Variants in AXDND1 observed in about 807,000 individuals in gnomAD.
AXDND1 encodes the protein axonemal dynein light chain domain-containing protein 1.
AXDND1 carries 110 observed loss-of-function variants against 137.5 expected under a neutral mutation model. The ratio of observed to expected loss-of-function variants is 0.80; its 90% CI spans 0.69 to 0.94. The LOEUF is 0.94. Among genes scored for constraint, AXDND1 ranks in the 40% least tolerant of loss-of-function variants. The probability of loss-of-function intolerance (pLI) is 0.00; values close to 1 mark genes in which losing one functional copy is unlikely to be tolerated. For missense variants in AXDND1, 1,191 were observed against 1,169.8 expected, an observed-to-expected ratio of 1.02 and a Z score of -0.26; for synonymous variants, 414 against 399.7, an observed-to-expected ratio of 1.04 and a Z score of -0.43.
chr1:179,433,790 G>A (rs2125322354), intron 15 of AXDND1, among the ~76,000 whole-genome samples: 1 of 152,272 alleles, frequency 6.6e-6, no homozygotes, highest in South Asian at 2.1e-4. Flanking sequence ...CAATTGTGTG[G>A]ATGATTTTAG....
intron 16 of AXDND1, among the ~76,000 whole-genome samples, chr1:179,462,596 G>T (rs926464055): frequency 3.8e-4 from 58 of 152,098 alleles, no homozygotes; most frequent in Non-Finnish European, 4.6e-4. Context: ...TTTTTCTATT[G>T]ATTGGAATAG....
chr1:179,463,118 C>G (rs984399865), intron 16 of AXDND1, among the ~76,000 whole-genome samples: 2 of 151,952 alleles, frequency 1.3e-5, no homozygotes, highest in Admixed American at 1.3e-4. Flanking sequence ...TCTCTATCTC[C>G]TCAGTTCTGC....
intron 15 of AXDND1, among the ~76,000 whole-genome samples, chr1:179,434,515 G>A (rs897830397): frequency 3.9e-5 from 6 of 152,110 alleles, no homozygotes; most frequent in Admixed American, 2.6e-4. Flanking sequence ...TGATCAAGTC[G>A]GCTTTATCCC....
intron 21 of AXDND1, among the ~76,000 whole-genome samples, chr1:179,524,185 CT>C (rs1433783573): frequency 1.3e-5 from 2 of 152,048 alleles, no homozygotes; most frequent in Admixed American, 1.3e-4. Context: ...ATAATGACTG[CT>C]TTTTCTCTGG....
chr1:179,517,711 G>A (rs1467607898), intron 21 of AXDND1, among the ~76,000 whole-genome samples: 5 of 152,196 alleles, frequency 3.3e-5, no homozygotes, highest in African/African-American at 1.2e-4. Context: ...CTGCAAACCA[G>A]ACCTTCAGTT....
intron 21 of AXDND1, among the ~76,000 whole-genome samples, chr1:179,510,183 T>G: frequency 6.6e-6 from 1 of 152,330 alleles, no homozygotes; most frequent in Non-Finnish European, 1.5e-5. Flanking sequence ...CACTTCTCAT[T>G]TGTACACACT....
At chr1:179,544,051 C>A (rs930854401) in intron 25 of AXDND1, 2 of 152,620 alleles carry the variant, frequency 1.3e-5, no homozygotes, top group Admixed American at 6.5e-5. Context: ...ATGGCTCTAT[C>A]CACTGAACAC....
At chr1:179,372,000 T>A (rs537941017) in intron 4 of AXDND1, among the ~76,000 whole-genome samples, 1 of 152,308 alleles carries the variant, frequency 6.6e-6, no homozygotes, top group South Asian at 2.1e-4. Context: ...GATTTTAGCC[T>A]TTTGAGACCC....
intron 23 of AXDND1, 49 bp downstream of exon 23, chr1:179,528,480 A>G (rs773485469): frequency 2.4e-6 from 3 of 1,275,616 alleles, no homozygotes; most frequent in Non-Finnish European, 3.4e-6. Flanking sequence ...TTAACATTGC[A>G]TAAAAATGAT....
chr1:179,548,485 C>T (rs1375480088), intron 25 of AXDND1, among the ~76,000 whole-genome samples: 1 of 152,176 alleles, frequency 6.6e-6, no homozygotes, highest in Non-Finnish European at 1.5e-5. Context: ...TAATATCTTT[C>T]CAAGCCCAGA....
intron 18 of AXDND1, among the ~76,000 whole-genome samples, chr1:179,485,748 A>AGG (rs35232924): frequency 3.2e-5 from 1 of 31,490 alleles, no homozygotes; most frequent in Non-Finnish European, 7.4e-5. Flanking sequence ...TCAACGTACA[A>AGG]GAAAGTTGAA....
intron 11 of AXDND1, among the ~76,000 whole-genome samples, chr1:179,403,260 T>C (rs1652390057): frequency 6.6e-6 from 1 of 152,212 alleles, no homozygotes. Flanking sequence ...TTCATTGATA[T>C]TGTACATTTA....
intron 17 of AXDND1, among the ~76,000 whole-genome samples, chr1:179,470,775 A>G (rs1336070061): frequency 6.6e-6 from 1 of 152,120 alleles, no homozygotes; most frequent in African/African-American, 2.4e-5. Context: ...TCTCTTGCCT[A>G]ATTGCTTTGG....
rs564193605 is a variant in AXDND1, at chr1:179,456,261, G to A, written c.1798+11057G>A. The A allele has an allele frequency of 1.5e-5, 11 of 733,856 alleles. No individual in the cohort carries two copies. In the East Asian group the frequency reaches 3.0e-4, roughly 20 times the overall value. 45.5% of individuals were successfully genotyped at this position (733,856 alleles called of 1,614,324 possible). A position where few individuals can be genotyped will look rare whatever the true frequency, so the allele number is the denominator to read the frequency against. On this transcript the variant is annotated intron_variant, in intron 16 of 25. Transcript: ENST00000367618. Reference sequence around the variant, plus strand: ...ACTGTCATAGCTACTGCTGCTACTGGAACCTCCATAGCCACCTTGGTTTTG... The same window carrying A: ...ACTGTCATAGCTACTGCTGCTACTGAAACCTCCATAGCCACCTTGGTTTTG...
intron 24 of AXDND1, 88 bp from the exon 25 acceptor site, chr1:179,534,642 T>C (rs925123104): frequency 1.9e-5 from 28 of 1,476,898 alleles, no homozygotes; most frequent in Non-Finnish European, 2.5e-5. Flanking sequence ...ATTCATCTAA[T>C]CTCACTGCCT....
chr1:179,535,714 T>C (rs1265848130), intron 25 of AXDND1, among the ~76,000 whole-genome samples: 2 of 151,912 alleles, frequency 1.3e-5, no homozygotes, highest in Non-Finnish European at 2.9e-5. Context: ...AGTAGCATGA[T>C]TTATAATCCT....
At chr1:179,520,277 C>T (rs1196976373) in intron 21 of AXDND1, among the ~76,000 whole-genome samples, 4 of 152,078 alleles carry the variant, frequency 2.6e-5, no homozygotes, top group African/African-American at 9.7e-5. Context: ...GCTTAAGAAG[C>T]TTTTGGGCTG....
chr1:179,513,328 A>G (rs1458730982), intron 21 of AXDND1, among the ~76,000 whole-genome samples: 1 of 151,938 alleles, frequency 6.6e-6, no homozygotes, highest in Non-Finnish European at 1.5e-5. Flanking sequence ...TGATCATGTG[A>G]CTTTTGTTTT....
intron 4 of AXDND1, among the ~76,000 whole-genome samples, chr1:179,373,904 G>A (rs1668304647): frequency 6.6e-6 from 1 of 152,100 alleles, no homozygotes; most frequent in African/African-American, 2.4e-5. Context: ...TACCATTCAG[G>A]GCATAGGCAT....
Sources: gnomAD v4.1 joint callset for allele counts (sites outside exome capture counted in the v4.1 genomes callset) on GRCh38, gnomAD v4.1.1 for gene constraint, MANE v1.5 for transcripts, NCBI Gene and HGNC (gene_info 2026-07-23, HGNC 2026-07-21) for gene names.